The following KCNT2 variants were observed in gnomAD, a reference collection of about 807,000 sequenced individuals.
KCNT2 encodes the protein potassium sodium-activated channel subfamily T member 2, also known as potassium channel subfamily T member 2.
A neutral mutation model predicts 153.8 loss-of-function variants in KCNT2; 67 were observed. The observed-to-expected ratio is 0.44, with a 90% CI of 0.36 to 0.53. The LOEUF is 0.53. KCNT2 is among the 20% of genes least tolerant of loss of function. The pLI is 0.00. For missense variants in KCNT2, 975 were observed against 1,354.8 expected, an observed-to-expected ratio of 0.72 and a Z score of 4.40; for synonymous variants, 500 against 458.8, an observed-to-expected ratio of 1.09 and a Z score of -1.15.
rs184247528 is a variant in KCNT2 at position 196,505,564 on chromosome 1, C to T, written c.96-13223G>A. ...TTGGCTTAGGATTGACTTGGTGATGCGGGCTCTTTTTTGGTACCATATGAA... is the reference window on the plus strand; with the variant it reads ...TTGGCTTAGGATTGACTTGGTGATGTGGGCTCTTTTTTGGTACCATATGAA... On this transcript the variant is annotated intron_variant, in intron 1 of 27. Coordinates refer to ENST00000294725, the MANE Select transcript of KCNT2 (RefSeq NM_198503.5). Among the ~76,000 whole-genome samples the T allele has an allele frequency of 4.3e-3, 648 of 151,428 alleles. 4 individuals carry two copies. The highest frequency in any genetic ancestry group is 0.015 in the African/African-American group (612 of 41,322).
intron 1 of KCNT2, among the ~76,000 whole-genome samples, chr1:196,558,861 T>C (rs140046594): frequency 1.6e-4 from 25 of 151,604 alleles, no homozygotes; most frequent in African/African-American, 6.0e-4. Flanking sequence ...AATTTGATTA[T>C]AAATCTTTAA....
intron 1 of KCNT2, among the ~76,000 whole-genome samples, chr1:196,552,965 A>G (rs913857575): frequency 6.6e-6 from 1 of 151,330 alleles, no homozygotes; most frequent in Non-Finnish European, 1.5e-5. Flanking sequence ...ACCATGAGAG[A>G]AAATCAACTT....
At chr1:196,397,971 G>A (rs553774576) in intron 13 of KCNT2, among the ~76,000 whole-genome samples, 1 of 151,090 alleles carries the variant, frequency 6.6e-6, no homozygotes, top group African/African-American at 2.4e-5. Flanking sequence ...GAAAAAAAAA[G>A]CAAGTACAAT....
chr1:196,287,058 G>C (rs1177364201), intron 22 of KCNT2, among the ~76,000 whole-genome samples: 1 of 152,084 alleles, frequency 6.6e-6, no homozygotes, highest in Non-Finnish European at 1.5e-5. Flanking sequence ...TGTATCTATA[G>C]TGTCTGTCTA....
At chr1:196,360,888 T>C (rs555863142) in intron 14 of KCNT2, among the ~76,000 whole-genome samples, 7 of 152,076 alleles carry the variant, frequency 4.6e-5, no homozygotes, top group Admixed American at 2.6e-4. Context: ...CAAAGATCCA[T>C]GTAAGTTAGA....
At chr1:196,237,101 A>G (rs1056893571) in intron 26 of KCNT2, among the ~76,000 whole-genome samples, 4 of 151,666 alleles carry the variant, frequency 2.6e-5, no homozygotes, top group African/African-American at 9.7e-5. Context: ...GTTTCATACC[A>G]ATACCTATAG....
chr1:196,551,635 G>A (rs1657918054), intron 1 of KCNT2, among the ~76,000 whole-genome samples: 1 of 151,560 alleles, frequency 6.6e-6, no homozygotes, highest in African/African-American at 2.4e-5. Flanking sequence ...CTTGCAGTGG[G>A]GGGTCAGTGA....
At chr1:196,322,507 C>A (rs1663423719) in intron 19 of KCNT2, among the ~76,000 whole-genome samples, 1 of 151,822 alleles carries the variant, frequency 6.6e-6, no homozygotes, top group African/African-American at 2.4e-5. Flanking sequence ...AAAATGAGCA[C>A]ATTCATTAAT....
intron 22 of KCNT2, among the ~76,000 whole-genome samples, chr1:196,291,251 C>T (rs1396796318): frequency 2.0e-5 from 3 of 151,712 alleles, no homozygotes; most frequent in African/African-American, 7.3e-5. Flanking sequence ...GAAATCCTTT[C>T]GTACAAGCAC....
intron 26 of KCNT2, among the ~76,000 whole-genome samples, chr1:196,253,377 T>C (rs1428129442): frequency 1.3e-5 from 2 of 151,462 alleles, no homozygotes; most frequent in East Asian, 1.9e-4. Flanking sequence ...TACTGAATTA[T>C]GCATTTTTAG....
chr1:196,558,423 G>A (rs1203950241), intron 1 of KCNT2, among the ~76,000 whole-genome samples: 1 of 150,346 alleles, frequency 6.7e-6, no homozygotes, highest in East Asian at 2.0e-4. Context: ...TTCTTTTGTT[G>A]TTTTTGTTAA....
At chr1:196,596,533 A>G (rs1489286547) in intron 1 of KCNT2, among the ~76,000 whole-genome samples, 2 of 151,928 alleles carry the variant, frequency 1.3e-5, no homozygotes, top group African/African-American at 4.8e-5. Flanking sequence ...TCTTGTTTTG[A>G]GACTTGTCTA....
intron 1 of KCNT2, among the ~76,000 whole-genome samples, chr1:196,522,361 T>C (rs1043507295): frequency 3.3e-5 from 5 of 152,158 alleles, no homozygotes; most frequent in Non-Finnish European, 7.4e-5. Context: ...CTACTAGAGG[T>C]ACCAGCAGTT....
At chr1:196,427,649 A>G (rs1457463670) in intron 10 of KCNT2, among the ~76,000 whole-genome samples, 1 of 152,110 alleles carries the variant, frequency 6.6e-6, no homozygotes, top group Non-Finnish European at 1.5e-5. Flanking sequence ...TCAGGAAACA[A>G]AAGAAAAAAA....
At chr1:196,504,240 C>A (rs541480528) in intron 1 of KCNT2, among the ~76,000 whole-genome samples, 37 of 146,300 alleles carry the variant, frequency 2.5e-4, no homozygotes, top group African/African-American at 9.4e-4. Context: ...CCCCCTCCCC[C>A]CATCCCACAA....
chr1:196,268,824 C>T (rs777537514), intron 25 of KCNT2, among the ~76,000 whole-genome samples: 2 of 151,862 alleles, frequency 1.3e-5, no homozygotes, highest in African/African-American at 2.4e-5. Flanking sequence ...AAAAAAGAAA[C>T]TCAACAAAAA....
chr1:196,267,886 G>C (rs964660277), intron 25 of KCNT2, among the ~76,000 whole-genome samples: 3 of 152,102 alleles, frequency 2.0e-5, no homozygotes, highest in Non-Finnish European at 4.4e-5. Flanking sequence ...TCAGCCCCTT[G>C]TCATATGCCA....
At chr1:196,408,997 C>T (rs1390274990) in intron 12 of KCNT2, among the ~76,000 whole-genome samples, 1 of 150,466 alleles carries the variant, frequency 6.6e-6, no homozygotes, top group African/African-American at 2.4e-5. Flanking sequence ...TTTACTCCTC[C>T]TTTCAGTTAT....
At chr1:196,418,540 G>T (rs2148506473) in intron 12 of KCNT2, among the ~76,000 whole-genome samples, 1 of 152,046 alleles carries the variant, frequency 6.6e-6, no homozygotes, top group South Asian at 2.1e-4. Context: ...TTTTCTCACA[G>T]TTCTGGCAAC....
Sources: gnomAD v4.1 joint callset for allele counts (sites outside exome capture counted in the v4.1 genomes callset) on GRCh38, gnomAD v4.1.1 for gene constraint, MANE v1.5 for transcripts, NCBI Gene and HGNC (gene_info 2026-07-23, HGNC 2026-07-21) for gene names.